The following UBE2E2 variants were observed in gnomAD, a reference collection of about 807,000 sequenced individuals.
UBE2E2 encodes ubiquitin conjugating enzyme E2 E2.
In UBE2E2, 6 loss-of-function variants were observed where a neutral mutation model predicts 24.7. The observed-to-expected ratio is 0.24, with a 90% CI of 0.13 to 0.48. The LOEUF (loss-of-function observed/expected upper bound fraction) is 0.48. UBE2E2 is among the 20% of genes least tolerant of loss of function. The pLI is 0.99. For synonymous variants in UBE2E2, 104 were observed against 83.6 expected (o/e 1.24, Z -1.33); for missense variants, 169 against 245.0 (o/e 0.69, Z 2.07).
intron 3 of UBE2E2, among the ~76,000 whole-genome samples, chr3:23,341,492 C>G (rs1235794430): frequency 1.3e-5 from 2 of 152,128 alleles, no homozygotes; most frequent in African/African-American, 4.8e-5. Context: ...CTAGTTGTGT[C>G]TTCACCTAGA....
intron 3 of UBE2E2, among the ~76,000 whole-genome samples, chr3:23,350,015 C>T (rs1025524636): frequency 2.6e-5 from 4 of 152,172 alleles, no homozygotes; most frequent in African/African-American, 9.7e-5. Context: ...CCTCACACGG[C>T]CAGGTACTCC....
intron 4 of UBE2E2, among the ~76,000 whole-genome samples, chr3:23,515,078 G>A (rs1208951353): frequency 1.3e-5 from 2 of 151,798 alleles, no homozygotes; most frequent in East Asian, 3.9e-4. Flanking sequence ...CATGTTTTCT[G>A]AAGCTTACTC....
At chr3:23,459,443 A>G (rs1396021251) in intron 3 of UBE2E2, among the ~76,000 whole-genome samples, 11 of 152,206 alleles carry the variant, frequency 7.2e-5, no homozygotes, top group Non-Finnish European at 1.5e-4. Flanking sequence ...TTTTTTGAGA[A>G]CTTTTAGCTC....
chr3:23,392,979 G>A (rs924209949), intron 3 of UBE2E2, among the ~76,000 whole-genome samples: 10 of 152,154 alleles, frequency 6.6e-5, no homozygotes, highest in African/African-American at 2.2e-4. Context: ...GTGAGGATGC[G>A]GCAGAAGTGG....
chr3:23,426,487 C>G (rs545263224), intron 3 of UBE2E2, among the ~76,000 whole-genome samples: 3 of 149,718 alleles, frequency 2.0e-5, no homozygotes, highest in African/African-American at 4.9e-5. Context: ...GATTAAAAAT[C>G]TGGAATGAAG....
intron 3 of UBE2E2, among the ~76,000 whole-genome samples, chr3:23,218,451 G>A (rs778926628): frequency 4.4e-4 from 67 of 151,836 alleles, no homozygotes; most frequent in Non-Finnish European, 8.8e-4. Context: ...AGCTTTTGGT[G>A]GTCAATGATT....
intron 5 of UBE2E2, among the ~76,000 whole-genome samples, chr3:23,538,282 C>T (rs1695312331): frequency 6.6e-6 from 1 of 152,086 alleles, no homozygotes; most frequent in African/African-American, 2.4e-5. Flanking sequence ...TGTCTTCTGT[C>T]AACTTCTGTC....
intron 3 of UBE2E2, among the ~76,000 whole-genome samples, chr3:23,267,490 C>A (rs1456515398): frequency 6.6e-6 from 1 of 152,088 alleles, no homozygotes; most frequent in Non-Finnish European, 1.5e-5. Context: ...ATACACCATC[C>A]CAAGACTAAA....
intron 5 of UBE2E2, among the ~76,000 whole-genome samples, chr3:23,573,119 A>G (rs1696262986): frequency 6.6e-6 from 1 of 152,248 alleles, no homozygotes; most frequent in Admixed American, 6.5e-5. Flanking sequence ...CTATAGTGAT[A>G]CAAATCAGGA....
At chr3:23,355,680 A>G (rs1436829436) in intron 3 of UBE2E2, among the ~76,000 whole-genome samples, 1 of 152,180 alleles carries the variant, frequency 6.6e-6, no homozygotes, top group East Asian at 1.9e-4. Flanking sequence ...TGTGCTGGAA[A>G]AGTTTAAATT....
intron 3 of UBE2E2, among the ~76,000 whole-genome samples, chr3:23,453,352 T>G (rs1350357885): frequency 6.6e-6 from 1 of 152,174 alleles, no homozygotes; most frequent in Non-Finnish European, 1.5e-5. Context: ...TTTCTGTTTT[T>G]TTTTGTGGTG....
At chr3:23,399,372 G>A (rs1697160895) in intron 3 of UBE2E2, among the ~76,000 whole-genome samples, 1 of 152,166 alleles carries the variant, frequency 6.6e-6, no homozygotes, top group South Asian at 2.1e-4. Flanking sequence ...TGAGATGGCT[G>A]CCTAAGTGAC....
intron 3 of UBE2E2, among the ~76,000 whole-genome samples, chr3:23,283,767 C>T (rs567257085): frequency 4.8e-4 from 73 of 152,202 alleles, no homozygotes; most frequent in African/African-American, 1.6e-3. Context: ...CAAAACAAAA[C>T]AAAGCCTTCT....
rs113159910 is a variant in UBE2E2, at chr3:23,455,759, A to G, written c.228-43849A>G. 3.2e-3 allele frequency among the ~76,000 whole-genome samples: 491 copies of G among 152,304 alleles called. 1 individual carries two copies. The highest frequency in any genetic ancestry group is 4.9e-3 in the Non-Finnish European group (332 of 68,020). On this transcript the variant is annotated intron_variant, in intron 3 of 5. Coordinates refer to ENST00000396703, the MANE Select transcript of UBE2E2 (RefSeq NM_152653.4). ...CGATCATCTGAGCCTTTAGGGAGTC[A>G]TAATCTTTTTGCTGGTGAAGGGTCT...
intron 4 of UBE2E2, among the ~76,000 whole-genome samples, chr3:23,521,775 G>T (rs538868392): frequency 1.2e-3 from 190 of 152,136 alleles, no homozygotes; most frequent in Middle Eastern, 6.8e-3. Context: ...AGCTCAAGAC[G>T]ATTCTTCTTC....
intron 3 of UBE2E2, among the ~76,000 whole-genome samples, chr3:23,476,254 GAA>G (rs1010999927): frequency 1.6e-4 from 24 of 152,076 alleles, no homozygotes; most frequent in African/African-American, 5.6e-4. Flanking sequence ...TTAAGAAATA[GAA>G]TTGGTGTTTT....
intron 3 of UBE2E2, among the ~76,000 whole-genome samples, chr3:23,248,756 T>C (rs1259939436): frequency 7.2e-5 from 11 of 152,208 alleles, no homozygotes; most frequent in African/African-American, 1.9e-4. Context: ...TTGCATTTCA[T>C]AGTGTGAATA....
chr3:23,275,004 T>C (rs1487786232), intron 3 of UBE2E2, among the ~76,000 whole-genome samples: 1 of 152,182 alleles, frequency 6.6e-6, no homozygotes, highest in Non-Finnish European at 1.5e-5. Context: ...AAATAACTTT[T>C]TGAGGAAGTT....
At chr3:23,320,505 C>T (rs1341367656) in intron 3 of UBE2E2, among the ~76,000 whole-genome samples, 3 of 152,210 alleles carry the variant, frequency 2.0e-5, no homozygotes, top group Admixed American at 2.0e-4. Context: ...TAATAGCAGT[C>T]ACCCCAGCCC....
Sources: allele counts gnomAD v4.1 joint callset (sites outside exome capture counted in the v4.1 genomes callset), GRCh38; gene constraint gnomAD v4.1.1; transcripts MANE v1.5; gene names NCBI Gene and HGNC (gene_info 2026-07-23, HGNC 2026-07-21).